The following ARID3B variants were observed in gnomAD, a reference collection of about 807,000 sequenced individuals.
ARID3B encodes AT-rich interaction domain 3B.
A neutral mutation model predicts 51.9 loss-of-function variants in ARID3B; 10 were observed. The ratio of observed to expected loss-of-function variants is 0.19; its 90% CI spans 0.12 to 0.33. The LOEUF (loss-of-function observed/expected upper bound fraction) is 0.33. Among genes scored for constraint, ARID3B ranks in the 10% least tolerant of loss-of-function variants. ARID3B has a pLI of 1.00. For missense variants in ARID3B, 483 were observed against 716.3 expected (o/e 0.67, Z 3.72); for synonymous variants, 205 against 279.5 (o/e 0.73, Z 2.66).
chr15:74,591,762 C>T lies in ARID3B; in HGVS notation c.1368C>T (p.Asn456=). ...QRLVQQAFQR[N]FFSMARQLPM... is the part of the protein sequence containing the mutation. ...TGGTGCAGCAGGCCTTCCAGCGCAA[C>T]TTTTTCAGCATGGCACGGCAGCTCC... The change falls in exon 7 of 9, where the codon AAC becomes AAT. Residue 456 remains asparagine, a synonymous_variant. Coordinates refer to ENST00000346246, the MANE Select transcript of ARID3B (RefSeq NM_006465.4). This position sits in a 1 kb window ranked among gnomAD's most constrained non-coding sequence, Gnocchi z 5.8. 1 of 1,614,206 alleles carries T rather than the reference C, an allele frequency of 6.2e-7. No individual in the cohort carries two copies. The highest frequency in any genetic ancestry group is 8.5e-7 in the Non-Finnish European group (1 of 1,180,034).
At chr15:74,542,536 T>C (rs926827620) in intron 1 of ARID3B, among the ~76,000 whole-genome samples, 1 of 152,236 alleles carries the variant, frequency 6.6e-6, no homozygotes, top group African/African-American at 2.4e-5. Flanking sequence ...TACTCTAACC[T>C]GGAAAAAATC....
At chr15:74,579,870 T>TGCGC (rs1359997035) in intron 4 of ARID3B, among the ~76,000 whole-genome samples, 224 of 121,684 alleles carry the variant, frequency 1.8e-3, no homozygotes, top group African/African-American at 5.9e-3. Flanking sequence ...TGTGTGTGTG[T>TGCGC]GTGCGCGCGC....
chr15:74,550,049 T>C (rs1472735312), intron 2 of ARID3B, among the ~76,000 whole-genome samples: 1 of 152,248 alleles, frequency 6.6e-6, no homozygotes, highest in Non-Finnish European at 1.5e-5. Context: ...CCTTTGTGTT[T>C]CAGTCTCAGT....
intron 2 of ARID3B, among the ~76,000 whole-genome samples, chr15:74,568,190 G>A (rs2061706520): frequency 6.6e-6 from 1 of 152,232 alleles, no homozygotes; most frequent in South Asian, 2.1e-4. Context: ...TTTGGCTAAA[G>A]TGCCCAGGTG....
Position 74,596,507 on chromosome 15 carries a change from G to A in ARID3B, c.*733G>A, listed in dbSNP as rs1019829488. On this transcript the variant is annotated 3_prime_UTR_variant, in exon 9 of 9. Transcript: ENST00000346246. ...CACGGACCATTCTCTGACCGCCCCC[G>A]CCAAACCTCATGCTCCCCACTTGCC... is the stretch of plus-strand genomic sequence containing the variant. 10 of 233,388 alleles carry A rather than the reference G, an allele frequency of 4.3e-5. No homozygotes were observed. Among genetic ancestry groups the A allele is most frequent in the African/African-American group, 1.8e-4 (8 of 45,330 alleles). 14.5% of individuals were successfully genotyped at this position (233,388 alleles called of 1,614,324 possible).
chr15:74,541,758 C>T lies in ARID3B; in HGVS notation c.-78+428C>T, dbSNP rs888634530. ...ACAGGGGCCCGGGGCCAAAAGAATC[C>T]GGCAGCAAAAGCAGGGGAATGGTCA... On this transcript the variant is annotated intron_variant, in intron 1 of 8. Coordinates refer to ENST00000346246, the MANE Select transcript of ARID3B (RefSeq NM_006465.4). Among the ~76,000 whole-genome samples, 4 of 151,696 alleles carry T rather than the reference C, an allele frequency of 2.6e-5. No homozygotes were observed. In the South Asian group the frequency reaches 8.3e-4, roughly 32 times the overall value.
intron 2 of ARID3B, among the ~76,000 whole-genome samples, chr15:74,563,341 A>C (rs1469667707): frequency 6.6e-6 from 1 of 152,216 alleles, no homozygotes; most frequent in Non-Finnish European, 1.5e-5. Flanking sequence ...TTTTAAACAC[A>C]AACTGTGACT....
intron 2 of ARID3B, among the ~76,000 whole-genome samples, chr15:74,549,810 A>G (rs1303796834): frequency 6.6e-6 from 1 of 152,110 alleles, no homozygotes. Flanking sequence ...GTGTCAGGAG[A>G]CATTTTTGAT....
chr15:74,556,725 C>A (rs940581518), intron 2 of ARID3B, among the ~76,000 whole-genome samples: 14 of 151,774 alleles, frequency 9.2e-5, no homozygotes, highest in African/African-American at 2.7e-4. Flanking sequence ...TGATCCTACT[C>A]ATTCCCTCTG....
intron 4 of ARID3B, among the ~76,000 whole-genome samples, chr15:74,585,502 C>T (rs1484567664): frequency 6.6e-6 from 1 of 152,210 alleles, no homozygotes; most frequent in East Asian, 1.9e-4. Context: ...CAGGCAAGTT[C>T]CTAAAACCAT....
chr15:74,576,082 A>T (rs2061736363), intron 4 of ARID3B, among the ~76,000 whole-genome samples: 1 of 152,158 alleles, frequency 6.6e-6, no homozygotes, highest in East Asian at 1.9e-4. Flanking sequence ...TTCTGTAGAA[A>T]TGAGGTCTCA....
intron 2 of ARID3B, among the ~76,000 whole-genome samples, chr15:74,572,560 C>A (rs929129057): frequency 1.4e-4 from 22 of 152,156 alleles, no homozygotes; most frequent in African/African-American, 5.3e-4. Flanking sequence ...GCCTTTGTGT[C>A]CTCCTCTTCC....
At chr15:74,541,689 G>A (rs1282825929) in intron 1 of ARID3B, among the ~76,000 whole-genome samples, 1 of 151,650 alleles carries the variant, frequency 6.6e-6, no homozygotes, top group Non-Finnish European at 1.5e-5. Flanking sequence ...TAAAGAATGG[G>A]GGGAGGCGTG....
Position 74,591,126 on chromosome 15 carries a change from T to A in ARID3B, c.882-25T>A. On this transcript the variant is annotated intron_variant, in intron 5 of 8. Transcript: ENST00000346246. The surrounding 1 kb of genome is among the most constrained non-coding windows in gnomAD (Gnocchi z 5.8). ...TCTCTGGTGCTGTTTTGGATTATTC[T>A]CCCTGCTTGCTTCCTTTCCTCCAGG... 1 of 1,567,940 alleles carries A rather than the reference T, an allele frequency of 6.4e-7. No homozygotes were observed. The highest frequency in any genetic ancestry group is 8.7e-7 in the Non-Finnish European group (1 of 1,151,948).
Position 74,598,037 on chromosome 15 carries a change from T to A in ARID3B, c.*2263T>A. The stretch of plus-strand genomic sequence containing the variant: ...AGGCAGTGAGTAAATACCTCAGATG[T>A]CCTCCTGCAGCAAGTGTCTATATGT... On this transcript the variant is annotated 3_prime_UTR_variant, in exon 9 of 9. Coordinates refer to ENST00000346246, the MANE Select transcript of ARID3B (RefSeq NM_006465.4). 1 of 530,186 alleles carries A rather than the reference T, an allele frequency of 1.9e-6. No homozygotes were observed. Among genetic ancestry groups the A allele is most frequent in the South Asian group, 1.5e-5 (1 of 65,194 alleles). 32.8% of individuals were successfully genotyped at this position (530,186 alleles called of 1,614,324 possible).
chr15:74,552,589 C>T (rs1012019410), intron 2 of ARID3B, among the ~76,000 whole-genome samples: 2 of 151,868 alleles, frequency 1.3e-5, no homozygotes, highest in East Asian at 3.9e-4. Flanking sequence ...CTCTGTGCTT[C>T]ACCTATTCAT....
intron 2 of ARID3B, among the ~76,000 whole-genome samples, chr15:74,559,492 C>T (rs2061671157): frequency 6.6e-6 from 1 of 152,062 alleles, no homozygotes; most frequent in Non-Finnish European, 1.5e-5. Flanking sequence ...TACCTTATTT[C>T]ATTTCATTGT....
chr15:74,542,379 A>G (rs931739135), intron 1 of ARID3B, among the ~76,000 whole-genome samples: 4 of 152,230 alleles, frequency 2.6e-5, no homozygotes, highest in Admixed American at 2.0e-4. Context: ...TGAAGTGCCA[A>G]GAGAGGAAGT....
rs2061825744 is a variant in ARID3B, at chr15:74,596,453, G to A, written c.*679G>A. On this transcript the variant is annotated 3_prime_UTR_variant, in exon 9 of 9. Coordinates refer to ENST00000346246, the MANE Select transcript of ARID3B (RefSeq NM_006465.4). ...TCTGCTGATGGGAAGGCAGAGCCTC[G>A]GGGCTGCCCAGCCCTGGCACCTGCT... The A allele has an allele frequency of 2.1e-5, 5 of 233,516 alleles. No individual in the cohort carries two copies. The highest frequency in any genetic ancestry group is 3.4e-5 in the Non-Finnish European group (4 of 117,976). The allele number at this position is 233,516 out of a possible 1,614,324, so 14.5% of individuals were successfully genotyped here.
Sources: gnomAD v4.1 joint callset for allele counts (sites outside exome capture counted in the v4.1 genomes callset) on GRCh38, gnomAD v4.1.1 for gene constraint, Gnocchi (gnomAD v3.1) non-coding constraint, MANE v1.5 for transcripts, NCBI Gene and HGNC (gene_info 2026-07-23, HGNC 2026-07-21) for gene names.